The following GPHN variants were observed in gnomAD, a reference collection of about 807,000 sequenced individuals.
GPHN encodes gephyrin.
GPHN carries 17 observed loss-of-function variants against 95.5 expected under a neutral mutation model. The ratio of observed to expected loss-of-function variants is 0.18; its 90% confidence interval spans 0.12 to 0.27. The LOEUF is 0.27. Among genes scored for constraint, GPHN ranks in the 10% least tolerant of loss-of-function variants. The probability of loss-of-function intolerance (pLI) is 1.00; values close to 1 mark genes in which losing one functional copy is unlikely to be tolerated. For synonymous variants in GPHN, 320 were observed against 322.5 expected (o/e 0.99, Z 0.08); for missense variants, 660 against 978.1 (o/e 0.67, Z 4.34).
At chr14:67,359,728 C>T in the GPHN span, 1 of 1,613,504 alleles carries the variant, frequency 6.2e-7, no homozygotes, top group Non-Finnish European at 8.5e-7. Context: ...CTCGGGTCCC[C>T]GGCCGGGCAA....
At chr14:66,645,723 G>A (rs1045975368) in intron 1 of GPHN, among the ~76,000 whole-genome samples, 2 of 149,518 alleles carry the variant, frequency 1.3e-5, no homozygotes, top group Non-Finnish European at 3.0e-5. Context: ...TTTTTTTAAA[G>A]TTATTTAAAC....
chr14:66,755,533 G>C (rs761157721), intron 2 of GPHN, among the ~76,000 whole-genome samples: 22 of 152,006 alleles, frequency 1.4e-4, no homozygotes, highest in Admixed American at 3.3e-4. Flanking sequence ...AGACTCTGTA[G>C]AGCTATTTAA....
intron 2 of GPHN, among the ~76,000 whole-genome samples, chr14:66,738,696 C>T: frequency 6.6e-6 from 1 of 152,002 alleles, no homozygotes; most frequent in East Asian, 1.9e-4. Flanking sequence ...AGTAAATAAA[C>T]TTAAATATAT....
chr14:67,057,366 CACTT>C (rs2075629078), intron 10 of GPHN, among the ~76,000 whole-genome samples: 1 of 148,266 alleles, frequency 6.7e-6, no homozygotes, highest in African/African-American at 2.5e-5. Context: ...TGCATGTTCT[CACTT>C]AAAGTGGGAG....
At chr14:67,502,794 T>G in the GPHN span, among the ~76,000 whole-genome samples, 1 of 152,074 alleles carries the variant, frequency 6.6e-6, no homozygotes, top group Non-Finnish European at 1.5e-5. Context: ...CAAAGCAGAG[T>G]GACCACAGGG....
chr14:67,225,637 T>A, the GPHN span, among the ~76,000 whole-genome samples: 1 of 152,218 alleles, frequency 6.6e-6, no homozygotes, highest in African/African-American at 2.4e-5. Context: ...AGCAAAATGA[T>A]ACAGATATTC....
At chr14:67,268,049 T>C in the GPHN span, among the ~76,000 whole-genome samples, 1 of 152,210 alleles carries the variant, frequency 6.6e-6, no homozygotes, top group Non-Finnish European at 1.5e-5. Flanking sequence ...TACAAATCTT[T>C]CTTTGTGATT....
At chr14:67,281,098 C>T in the GPHN span, among the ~76,000 whole-genome samples, 1 of 151,852 alleles carries the variant, frequency 6.6e-6, no homozygotes, top group Non-Finnish European at 1.5e-5. Context: ...CGGGTTTCAC[C>T]ATGTTGGTCA....
chr14:67,014,741 A>G (rs2073205572), intron 9 of GPHN, among the ~76,000 whole-genome samples: 1 of 152,230 alleles, frequency 6.6e-6, no homozygotes, highest in South Asian at 2.1e-4. Context: ...TAAGATTGGG[A>G]AATAATGAAT....
chr14:66,900,469 T>C (rs1373100794), intron 5 of GPHN, among the ~76,000 whole-genome samples: 3 of 151,692 alleles, frequency 2.0e-5, no homozygotes, highest in Non-Finnish European at 1.5e-5. Flanking sequence ...TTTTAATCTA[T>C]CTAACACTAG....
the GPHN span, chr14:67,381,634 G>A: frequency 3.1e-6 from 5 of 1,613,540 alleles, no homozygotes; most frequent in South Asian, 2.2e-5. Context: ...CATTGATGCT[G>A]TAAAAGAAGC....
At chr14:66,845,687 A>G (rs1238629698) in intron 4 of GPHN, among the ~76,000 whole-genome samples, 10 of 152,124 alleles carry the variant, frequency 6.6e-5, no homozygotes, top group Admixed American at 6.6e-4. Flanking sequence ...CAATCCAGAG[A>G]TCCTTCATCC....
chr14:67,026,866 T>C (rs2073952613), intron 10 of GPHN, among the ~76,000 whole-genome samples: 1 of 152,118 alleles, frequency 6.6e-6, no homozygotes, highest in African/African-American at 2.4e-5. Context: ...ATGGTCTCGA[T>C]CTCCTGACCT....
intron 11 of GPHN, among the ~76,000 whole-genome samples, chr14:67,077,811 A>G (rs1450510159): frequency 6.6e-6 from 1 of 152,142 alleles, no homozygotes; most frequent in East Asian, 1.9e-4. Flanking sequence ...CCAGACTGCC[A>G]CTGTTATCTT....
At chr14:67,189,166 C>T in the GPHN span, among the ~76,000 whole-genome samples, 4 of 152,196 alleles carry the variant, frequency 2.6e-5, no homozygotes, top group South Asian at 2.1e-4. Flanking sequence ...ATATTTTTCC[C>T]GTGGTTATAC....
At chr14:67,707,731 A>G in the GPHN span, among the ~76,000 whole-genome samples, 1 of 152,230 alleles carries the variant, frequency 6.6e-6, no homozygotes, top group Non-Finnish European at 1.5e-5. Context: ...AGACTTCTTT[A>G]AAGCTGAGCC....
chr14:67,070,889 C>G (rs1201425344), intron 11 of GPHN, among the ~76,000 whole-genome samples: 1 of 151,576 alleles, frequency 6.6e-6, no homozygotes, highest in Non-Finnish European at 1.5e-5. Context: ...ACACAGAAAT[C>G]AGGCCTATAC....
At chr14:67,317,919 T>G in the GPHN span, among the ~76,000 whole-genome samples, 3 of 152,212 alleles carry the variant, frequency 2.0e-5, no homozygotes, top group Non-Finnish European at 4.4e-5. Context: ...AAGTTGTAGC[T>G]TCTCTTAAAA....
At chr14:67,421,709 A>G in the GPHN span, among the ~76,000 whole-genome samples, 50 of 152,276 alleles carry the variant, frequency 3.3e-4, no homozygotes, top group Middle Eastern at 6.8e-3. Flanking sequence ...GCCATTGGTA[A>G]GAGCATGGAA....
Sources: allele counts gnomAD v4.1 joint callset (sites outside exome capture counted in the v4.1 genomes callset), GRCh38; gene constraint gnomAD v4.1.1; transcripts MANE v1.5; gene names NCBI Gene and HGNC (gene_info 2026-07-23, HGNC 2026-07-21).